Variants in ASAP2 observed in about 807,000 individuals in gnomAD.
ASAP2 encodes ArfGAP with SH3 domain, ankyrin repeat and PH domain 2, also known as arf-GAP with SH3 domain, ANK repeat and PH domain-containing protein 2.
A neutral mutation model predicts 131.4 loss-of-function variants in ASAP2; 45 were observed. The ratio of observed to expected loss-of-function variants is 0.34; its 90% CI spans 0.27 to 0.44. The LOEUF is 0.44. Ranked by LOEUF, ASAP2 falls within the 20% of genes least tolerant of loss-of-function variation. The pLI is 1.00. For synonymous variants in ASAP2, 510 were observed against 503.0 expected, an observed-to-expected ratio of 1.01 and a Z score of -0.19; for missense variants, 1,011 against 1,297.0, an observed-to-expected ratio of 0.78 and a Z score of 3.39.
At chr2:9,218,493 C>G (rs1662208741) in intron 1 of ASAP2, among the ~76,000 whole-genome samples, 1 of 152,198 alleles carries the variant, frequency 6.6e-6, no homozygotes, top group Non-Finnish European at 1.5e-5. Context: ...AAGGGTGAAT[C>G]ATGGATGTGG....
chr2:9,309,346 G>A (rs1669147551), intron 3 of ASAP2, among the ~76,000 whole-genome samples: 1 of 152,194 alleles, frequency 6.6e-6, no homozygotes, highest in Non-Finnish European at 1.5e-5. Context: ...ACAGTCATGC[G>A]CAGTCCCAAA....
rs77088468 is a variant in ASAP2 at position 9,325,283 on chromosome 2, C to T, written c.600+2033C>T. ...CCTCATAGAGTGGCAGAGAAATCAG[C>T]GAGACAGCATGAGACAGGGACTAGG... On this transcript the variant is annotated intron_variant, in intron 6 of 27. Coordinates refer to ENST00000281419, the MANE Select transcript of ASAP2 (RefSeq NM_003887.3). 9.7e-3 allele frequency among the ~76,000 whole-genome samples: 1,478 copies of T among 152,204 alleles called. 28 individuals are homozygous for T. The highest frequency in any genetic ancestry group is 0.034 in the African/African-American group (1,403 of 41,514).
At chr2:9,277,529 A>G (rs552973198) in intron 1 of ASAP2, among the ~76,000 whole-genome samples, 77 of 152,350 alleles carry the variant, frequency 5.1e-4, no homozygotes, top group Non-Finnish European at 7.2e-4. Flanking sequence ...TTAGTATGGC[A>G]GGAAAGAATG....
chr2:9,281,175 A>G lies in ASAP2; in HGVS notation c.199+1786A>G, dbSNP rs1226611792. On this transcript the variant is annotated intron_variant, in intron 2 of 27. Coordinates refer to ENST00000281419, the MANE Select transcript of ASAP2 (RefSeq NM_003887.3). This position sits in a 1 kb window ranked among gnomAD's most constrained non-coding sequence, Gnocchi z 4.0. ...TTACTGCGTTCACTTGGACTTTTTG[A>G]GTTTATAACTTGAGGGATATTTGAT... is the stretch of plus-strand genomic sequence containing the variant. Among the ~76,000 whole-genome samples the G allele has an allele frequency of 6.6e-6, 1 of 150,960 alleles. No individual in the cohort carries two copies. The highest frequency in any genetic ancestry group is 1.9e-4 in the East Asian group (1 of 5,188).
intron 1 of ASAP2, among the ~76,000 whole-genome samples, chr2:9,212,510 T>C (rs891145689): frequency 1.3e-5 from 2 of 150,960 alleles, no homozygotes; most frequent in African/African-American, 5.0e-5. Flanking sequence ...ACTCCTGAGG[T>C]GGTGGCCAGC....
intron 12 of ASAP2, among the ~76,000 whole-genome samples, chr2:9,352,212 A>ACACACACACACAC (rs1672385937): frequency 2.0e-5 from 3 of 149,966 alleles, no homozygotes; most frequent in African/African-American, 7.4e-5. Flanking sequence ...AACACACACA[A>ACACACACACACAC]ACACACACAC....
At chr2:9,312,353 TTCTC>T (rs980682104) in intron 3 of ASAP2, among the ~76,000 whole-genome samples, 1 of 152,172 alleles carries the variant, frequency 6.6e-6, no homozygotes, top group Non-Finnish European at 1.5e-5. Flanking sequence ...GGCACCAGGC[TTCTC>T]TCTCTCCAGC....
intron 1 of ASAP2, among the ~76,000 whole-genome samples, chr2:9,275,083 T>TTTTTTG (rs1553302067): frequency 5.7e-4 from 30 of 52,396 alleles, no homozygotes; most frequent in Admixed American, 9.8e-4. Context: ...CATTTGTCTG[T>TTTTTTG]TTTTTTTTTT....
intron 22 of ASAP2, among the ~76,000 whole-genome samples, chr2:9,390,115 AT>A (rs935370558): frequency 4.0e-5 from 6 of 151,734 alleles, no homozygotes; most frequent in African/African-American, 1.2e-4. Context: ...AAGGGTTTTG[AT>A]TTTTTTTCCT....
At chr2:9,329,212 C>T (rs1483217876) in intron 7 of ASAP2, among the ~76,000 whole-genome samples, 2 of 152,092 alleles carry the variant, frequency 1.3e-5, no homozygotes, top group African/African-American at 2.4e-5. Flanking sequence ...AGGAGAGTGG[C>T]GTGAAACGAA....
At chr2:9,378,556 T>G (rs749138022) in intron 18 of ASAP2, among the ~76,000 whole-genome samples, 6 of 152,210 alleles carry the variant, frequency 3.9e-5, no homozygotes, top group Non-Finnish European at 7.4e-5. Flanking sequence ...CCAGAGGCCC[T>G]GCATCCAGCA....
chr2:9,312,690 C>T lies in ASAP2; in HGVS notation c.346-5834C>T, dbSNP rs188993246. Among the ~76,000 whole-genome samples the T allele has an allele frequency of 5.3e-3, 812 of 152,228 alleles. 27 individuals carry two copies. Among genetic ancestry groups the T allele is most frequent in the Admixed American group, 0.051 (773 of 15,284 alleles). ...GAGTTTCCACTTGGTAGTTTACTTA[C>T]CTAAACATGGGGCGTGTCTCCCCAT... is the stretch of plus-strand genomic sequence containing the variant. On this transcript the variant is annotated intron_variant, in intron 3 of 27. Transcript: ENST00000281419.
At chr2:9,377,784 G>A (rs1674520203) in intron 18 of ASAP2, among the ~76,000 whole-genome samples, 1 of 152,154 alleles carries the variant, frequency 6.6e-6, no homozygotes, top group South Asian at 2.1e-4. Context: ...TCTGAGCAGA[G>A]GAGTGAAGAA....
chr2:9,292,155 A>G (rs1479165884), intron 2 of ASAP2, among the ~76,000 whole-genome samples: 1 of 152,156 alleles, frequency 6.6e-6, no homozygotes. Flanking sequence ...AGCAGTGAGT[A>G]TAGCAGCCCT....
chr2:9,384,624 G>C (rs1360583415), intron 20 of ASAP2, among the ~76,000 whole-genome samples: 1 of 152,222 alleles, frequency 6.6e-6, no homozygotes, highest in African/African-American at 2.4e-5. Context: ...AGACACTTGT[G>C]TTTACTGGTT....
At chr2:9,301,354 GA>G (rs1668460728) in intron 3 of ASAP2, among the ~76,000 whole-genome samples, 1 of 152,204 alleles carries the variant, frequency 6.6e-6, no homozygotes, top group Non-Finnish European at 1.5e-5. Flanking sequence ...AGAAGTCTGT[GA>G]ATTTTCTCTG....
intron 3 of ASAP2, among the ~76,000 whole-genome samples, chr2:9,302,862 T>TTGGG (rs1475375054): frequency 6.6e-6 from 1 of 152,116 alleles, no homozygotes; most frequent in East Asian, 1.9e-4. Flanking sequence ...TAAGGTTCTG[T>TTGGG]TGGGACAAGC....
intron 2 of ASAP2, among the ~76,000 whole-genome samples, chr2:9,289,286 C>T (rs1383881722): frequency 1.3e-5 from 2 of 152,146 alleles, no homozygotes; most frequent in African/African-American, 4.8e-5. Context: ...TGTTTCTTGC[C>T]TTTGTGTCGC....
intron 2 of ASAP2, among the ~76,000 whole-genome samples, chr2:9,282,397 A>C (rs10192441): frequency 0.35 from 53,617 of 152,150 alleles, 9,761 homozygotes; most frequent in African/African-American, 0.42. Flanking sequence ...TGTCATGTTG[A>C]TGACATCATT....
Sources: gnomAD v4.1 joint callset for allele counts (sites outside exome capture counted in the v4.1 genomes callset) on GRCh38, gnomAD v4.1.1 for gene constraint, Gnocchi (gnomAD v3.1) non-coding constraint, MANE v1.5 for transcripts, NCBI Gene and HGNC (gene_info 2026-07-23, HGNC 2026-07-21) for gene names.